The following EIF4E3 variants were observed in gnomAD, a reference collection of about 807,000 sequenced individuals.
The protein encoded by EIF4E3 is eukaryotic translation initiation factor 4E family member 3.
In EIF4E3, 26 loss-of-function variants were observed where a neutral mutation model predicts 31.7. That is an observed-to-expected ratio of 0.82 (90% confidence interval 0.60 to 1.14). The LOEUF (loss-of-function observed/expected upper bound fraction) is 1.14. EIF4E3 is among the 50% of genes most tolerant of loss of function. The pLI, the probability that EIF4E3 is intolerant of heterozygous loss-of-function variation, is 0.00. For synonymous variants in EIF4E3, 128 were observed against 107.7 expected (o/e 1.19, Z -1.17); for missense variants, 304 against 270.9 (o/e 1.12, Z -0.86).
chr3:71,684,611 C>T lies in EIF4E3; in HGVS notation c.*71G>A. The T allele has an allele frequency of 6.3e-7, 1 of 1,586,816 alleles. No individual in the cohort carries two copies. The highest frequency in any genetic ancestry group is 8.6e-7 in the Non-Finnish European group (1 of 1,158,268). ...CATCGGCTTCGGCAAGTCTTCTCTT[C>T]ACTCTCCCTCCTGTTAAGACCGTTT... On this transcript the variant is annotated 3_prime_UTR_variant, in exon 7 of 7. Coordinates refer to ENST00000425534, the MANE Select transcript of EIF4E3 (RefSeq NM_001134651.2).
At chr3:71,724,954 G>T (rs927281086) in intron 1 of EIF4E3, among the ~76,000 whole-genome samples, 1 of 152,136 alleles carries the variant, frequency 6.6e-6, no homozygotes, top group African/African-American at 2.4e-5. Flanking sequence ...AAACTTTTCG[G>T]GCTGCGCTGT....
chr3:71,716,141 C>T (rs2108095637), intron 1 of EIF4E3, among the ~76,000 whole-genome samples: 1 of 152,256 alleles, frequency 6.6e-6, no homozygotes, highest in Middle Eastern at 3.4e-3. Context: ...CAGGAAAGCG[C>T]TAGATGCCAC....
chr3:71,674,982 T>C (rs2048865197), downstream of EIF4E3, among the ~76,000 whole-genome samples: 1 of 152,172 alleles, frequency 6.6e-6, no homozygotes, highest in East Asian at 1.9e-4. Context: ...TTCTTTCTGA[T>C]TGTTCATATT....
upstream of EIF4E3, chr3:71,728,729 T>C (rs1352458663): frequency 6.6e-6 from 1 of 152,594 alleles, no homozygotes; most frequent in Non-Finnish European, 1.5e-5. Flanking sequence ...CCAAGGCAAC[T>C]TGGGCAGGGT....
intron 3 of EIF4E3, among the ~76,000 whole-genome samples, chr3:71,698,044 G>T (rs1397877347): frequency 6.6e-6 from 1 of 152,152 alleles, no homozygotes; most frequent in Non-Finnish European, 1.5e-5. Context: ...GTGTACGAGG[G>T]CTCCCCTTTC....
rs752433655 is a variant in EIF4E3 at position 71,725,167 on chromosome 3, C to A, written c.176+25G>T. 24 of 1,072,670 alleles carry A rather than the reference C, an allele frequency of 2.2e-5. No homozygotes were observed. Among genetic ancestry groups the A allele is most frequent in the South Asian group, 3.6e-5 (1 of 28,062 alleles). 66.4% of individuals were successfully genotyped at this position (1,072,670 alleles called of 1,614,324 possible). ...CGGCAGGACCCGGGTCGGGGCCGTGCGCGGCGGGCCCCGCGCCCCCTCACC... is the reference window on the plus strand; with the variant it reads ...CGGCAGGACCCGGGTCGGGGCCGTGAGCGGCGGGCCCCGCGCCCCCTCACC... On this transcript the variant is annotated intron_variant, in intron 1 of 6. Transcript: ENST00000425534. The surrounding 1 kb of genome is among the most constrained non-coding windows in gnomAD (Gnocchi z 6.1).
chr3:71,708,337 A>C (rs534975120), intron 2 of EIF4E3, among the ~76,000 whole-genome samples: 1 of 152,326 alleles, frequency 6.6e-6, no homozygotes, highest in Non-Finnish European at 1.5e-5. Flanking sequence ...TGGCAGGGGC[A>C]CGAAGACACT....
intron 2 of EIF4E3, among the ~76,000 whole-genome samples, chr3:71,703,912 C>T (rs886720654): frequency 8.6e-5 from 13 of 151,362 alleles, no homozygotes; most frequent in African/African-American, 2.9e-4. Flanking sequence ...TATTTTTGCT[C>T]ATTAGGTATT....
intron 6 of EIF4E3, among the ~76,000 whole-genome samples, chr3:71,686,580 T>G (rs1449686436): frequency 8.6e-6 from 1 of 116,038 alleles, no homozygotes; most frequent in Non-Finnish European, 1.9e-5. Context: ...GTGTGTGTGT[T>G]TTCTTTTTAA....
At chr3:71,734,484 C>T (rs1048905490) in intron 1 of EIF4E3, among the ~76,000 whole-genome samples, 7 of 152,092 alleles carry the variant, frequency 4.6e-5, no homozygotes, top group Non-Finnish European at 7.4e-5. Context: ...TATTTTATAA[C>T]ACATGAAACA....
intron 1 of EIF4E3, among the ~76,000 whole-genome samples, chr3:71,753,125 CT>C (rs2049951541): frequency 1.3e-5 from 2 of 152,164 alleles, no homozygotes; most frequent in Non-Finnish European, 2.9e-5. Context: ...AGCTCCGCTA[CT>C]TCCCGGCTCT....
Position 71,725,358 on chromosome 3 carries a change from G to C in EIF4E3, c.10C>G (p.Pro4Ala). Residue 4 changes from proline to alanine, a missense_variant, in exon 1 of 7, where the codon CCC becomes GCC. Pro to Ala is a conservative substitution (Grantham distance 27, BLOSUM62 -1). Transcript: ENST00000425534. This position sits in a 1 kb window ranked among gnomAD's most constrained non-coding sequence, Gnocchi z 6.1. Reference sequence around the variant, plus strand: ...CCGGCGGGGGGCGCGGCGGCCGGGGGCAGCGCCATTTTCTCCGCCCCGCCT... The same window carrying C: ...CCGGCGGGGGGCGCGGCGGCCGGGGCCAGCGCCATTTTCTCCGCCCCGCCT... MAL[P>A]PAAAPPAGAR... is the part of the protein sequence containing the mutation. 1.0e-6 allele frequency: 1 copy of C among 976,978 alleles called. No homozygotes were observed. Among genetic ancestry groups the C allele is most frequent in the Non-Finnish European group, 1.2e-6 (1 of 825,198 alleles). 60.5% of individuals were successfully genotyped at this position (976,978 alleles called of 1,614,324 possible).
chr3:71,666,472 A>C, the EIF4E3 span, among the ~76,000 whole-genome samples: 1 of 152,122 alleles, frequency 6.6e-6, no homozygotes, highest in Admixed American at 6.5e-5. Context: ...TCCCAAAAAA[A>C]GCCCAGGACC....
intron 2 of EIF4E3, among the ~76,000 whole-genome samples, chr3:71,702,051 C>T (rs1440642263): frequency 6.6e-6 from 1 of 152,146 alleles, no homozygotes; most frequent in Non-Finnish European, 1.5e-5. Flanking sequence ...CAATTTGATT[C>T]CCAAACCTCT....
intron 5 of EIF4E3, among the ~76,000 whole-genome samples, chr3:71,692,406 C>A (rs12635700): frequency 0.088 from 13,326 of 152,154 alleles, 1,681 homozygotes; most frequent in East Asian, 0.52. Context: ...TATTTATTAC[C>A]ACTTAGACTA....
chr3:71,699,643 A>C lies in EIF4E3; in HGVS notation c.315T>G (p.His105Gln), dbSNP rs767176745. The change falls in exon 3 of 7, where the codon CAT (histidine) becomes CAG (glutamine). Residue 105 changes from histidine (H) to glutamine (Q), a missense_variant. By Grantham distance (24) the His-to-Gln change is conservative. Transcript: ENST00000425534. ...VTSLPLRCSY[H>Q]LMRGERRPLW... ...GTGGTCGCCTCTCTCCTCTCATTAAATGATAACTACATCTCAAAGGCAGGC... is the reference window on the plus strand; with the variant it reads ...GTGGTCGCCTCTCTCCTCTCATTAACTGATAACTACATCTCAAAGGCAGGC... 2 of 1,613,846 alleles carry C rather than the reference A, an allele frequency of 1.2e-6. No individual in the cohort carries two copies. The highest frequency in any genetic ancestry group is 1.7e-6 in the Non-Finnish European group (2 of 1,179,900).
chr3:71,754,437 T>C, upstream of EIF4E3: 1 of 1,349,080 alleles, frequency 7.4e-7, no homozygotes, highest in Non-Finnish European at 9.6e-7. This position sits in a 1 kb window ranked among gnomAD's most constrained non-coding sequence, Gnocchi z 5.8. Flanking sequence ...CCACCGCTTC[T>C]ATGCAGAGCG....
Position 71,717,920 on chromosome 3 carries a change from G to A in EIF4E3, c.176+7272C>T, listed in dbSNP as rs76866804. Among the ~76,000 whole-genome samples, 40 of 152,294 alleles carry A rather than the reference G, an allele frequency of 2.6e-4. 1 individual carries two copies. In the East Asian group the frequency reaches 7.5e-3, roughly 29 times the overall value. ...AGTTCATATTAACAAGTTAAAGTGG[G>A]AAAAGATGTCTGAAACAGTATGTGG... On this transcript the variant is annotated intron_variant, in intron 1 of 6. Transcript: ENST00000425534.
chr3:71,742,548 C>T lies in EIF4E3; in HGVS notation c.-291+10915G>A, dbSNP rs948110762. 2.0e-5 allele frequency among the ~76,000 whole-genome samples: 3 copies of T among 152,046 alleles called. No homozygotes were observed. In the East Asian group the frequency reaches 5.8e-4, roughly 29 times the overall value. ...CAAATACTTTTACAAGTAAATTCTA[C>T]CAAACATTAAAGAAAAAAATTCTAC... On this transcript the variant is annotated intron_variant, in intron 1 of 7. Transcript: ENST00000295612.
Sources: gnomAD v4.1 joint callset for allele counts (sites outside exome capture counted in the v4.1 genomes callset) on GRCh38, gnomAD v4.1.1 for gene constraint, Gnocchi (gnomAD v3.1) non-coding constraint, MANE v1.5 for transcripts, NCBI Gene and HGNC (gene_info 2026-07-23, HGNC 2026-07-21) for gene names.